The following MYO1D variants were observed in gnomAD, a reference collection of about 807,000 sequenced individuals.
The protein encoded by MYO1D is myosin ID.
MYO1D carries 83 observed loss-of-function variants against 122.0 expected under a neutral mutation model. The ratio of observed to expected loss-of-function variants is 0.68; its 90% CI spans 0.57 to 0.82. The LOEUF is 0.82. Among genes scored for constraint, MYO1D ranks in the 40% least tolerant of loss-of-function variants. The probability of loss-of-function intolerance (pLI) is 0.00; values close to 1 mark genes in which losing one functional copy is unlikely to be tolerated. For synonymous variants in MYO1D, 464 were observed against 446.9 expected (o/e 1.04, Z -0.48); for missense variants, 1,157 against 1,269.5 (o/e 0.91, Z 1.35).
intron 16 of MYO1D, among the ~76,000 whole-genome samples, chr17:32,696,971 T>C (rs901160348): frequency 3.3e-5 from 5 of 152,214 alleles, no homozygotes; most frequent in Non-Finnish European, 7.3e-5. Flanking sequence ...CTGTCCTCCC[T>C]GTTAATGTGT....
intron 21 of MYO1D, among the ~76,000 whole-genome samples, chr17:32,514,472 C>T (rs1401473028): frequency 1.3e-5 from 2 of 152,106 alleles, no homozygotes; most frequent in African/African-American, 4.8e-5. Context: ...CAATCTTTAT[C>T]TGAAAATGTC....
chr17:32,561,195 G>A (rs371292056), intron 21 of MYO1D, among the ~76,000 whole-genome samples: 29 of 152,236 alleles, frequency 1.9e-4, no homozygotes, highest in African/African-American at 5.1e-4. Context: ...ACAGGTGTGA[G>A]CCACAAAGCC....
intron 16 of MYO1D, among the ~76,000 whole-genome samples, chr17:32,704,871 T>A (rs1156662863): frequency 6.6e-6 from 1 of 152,130 alleles, no homozygotes; most frequent in Non-Finnish European, 1.5e-5. Flanking sequence ...TACACAACAG[T>A]GATGTAACAA....
chr17:32,709,326 A>C (rs2089346390), intron 16 of MYO1D, among the ~76,000 whole-genome samples: 1 of 152,134 alleles, frequency 6.6e-6, no homozygotes, highest in African/African-American at 2.4e-5. Flanking sequence ...AGCTTGAATC[A>C]ATCAATCTCT....
At chr17:32,539,545 C>T (rs1358318973) in intron 21 of MYO1D, among the ~76,000 whole-genome samples, 1 of 152,112 alleles carries the variant, frequency 6.6e-6, no homozygotes, top group African/African-American at 2.4e-5. Flanking sequence ...TCTGTCTCTT[C>T]CAGCTTCGGG....
intron 1 of MYO1D, among the ~76,000 whole-genome samples, chr17:32,872,527 G>A (rs1326891450): frequency 4.6e-5 from 7 of 152,004 alleles, no homozygotes; most frequent in Non-Finnish European, 8.8e-5. Context: ...GCCCGCCTCA[G>A]CCTCCCAAAG....
chr17:32,837,571 C>G (rs1404877770), intron 1 of MYO1D, among the ~76,000 whole-genome samples: 2 of 152,018 alleles, frequency 1.3e-5, no homozygotes, highest in Non-Finnish European at 2.9e-5. Context: ...AAATTTAAAG[C>G]TTTATTTGTA....
chr17:32,553,045 T>C (rs937297512), intron 21 of MYO1D, among the ~76,000 whole-genome samples: 1 of 132,806 alleles, frequency 7.5e-6, no homozygotes, highest in Non-Finnish European at 1.5e-5. Context: ...AGGGCCAGTA[T>C]GGGCAATATA....
chr17:32,663,726 G>A (rs1263634328), intron 16 of MYO1D, among the ~76,000 whole-genome samples: 2 of 152,126 alleles, frequency 1.3e-5, no homozygotes, highest in Admixed American at 6.6e-5. Flanking sequence ...TGAAAGAAAG[G>A]GTCCCCGATG....
chr17:32,669,593 G>C (rs1255185464), intron 16 of MYO1D, among the ~76,000 whole-genome samples: 1 of 152,140 alleles, frequency 6.6e-6, no homozygotes, highest in African/African-American at 2.4e-5. Context: ...TGTCTTTTGT[G>C]AGTTAAATTT....
intron 21 of MYO1D, among the ~76,000 whole-genome samples, chr17:32,515,906 A>G (rs1909874725): frequency 6.6e-6 from 1 of 152,218 alleles, no homozygotes; most frequent in Non-Finnish European, 1.5e-5. Flanking sequence ...GTCAGCTAAA[A>G]AAATGTACCC....
intron 1 of MYO1D, among the ~76,000 whole-genome samples, chr17:32,856,787 C>CTCACAT (rs1437985080): frequency 5.9e-5 from 9 of 152,172 alleles, no homozygotes; most frequent in Non-Finnish European, 1.5e-5. Context: ...TGGCCCTTTT[C>CTCACAT]TCACATTTTA....
intron 16 of MYO1D, among the ~76,000 whole-genome samples, chr17:32,674,918 G>C (rs2088783775): frequency 6.6e-6 from 1 of 152,160 alleles, no homozygotes; most frequent in South Asian, 2.1e-4. Flanking sequence ...TCTGGAAAAG[G>C]CTCCCATTTA....
chr17:32,727,047 G>C (rs987511415), intron 14 of MYO1D, among the ~76,000 whole-genome samples: 1 of 152,094 alleles, frequency 6.6e-6, no homozygotes, highest in African/African-American at 2.4e-5. Flanking sequence ...AAATAATAAA[G>C]AGAATAAATA....
At position 32,694,707 on chromosome 17, in the gene MYO1D, C is replaced by CAAAAAA. The variant is rs58606294; in HGVS notation, c.2121+17275_2121+17280dup. On this transcript the variant is annotated intron_variant, in intron 16 of 21. Transcript: ENST00000318217. ...TGGGCGACAGAGCGAGACTCCGTCT[C>CAAAAAA]AAAAAAAAAAAAAAAAAAAAAAAAA... Among the ~76,000 whole-genome samples the CAAAAAA allele has an allele frequency of 1.1e-3, 61 of 55,884 alleles. 2 individuals are homozygous for CAAAAAA. The highest frequency in any genetic ancestry group is 6.1e-3 in the East Asian group (9 of 1,468). 36.7% of individuals were successfully genotyped at this position (55,884 alleles called of 152,430 possible). A position where few individuals can be genotyped will look rare whatever the true frequency, so the allele number is the denominator to read the frequency against.
chr17:32,805,823 TAGAGTTACTCCCTG>T (rs1003406865), intron 1 of MYO1D, among the ~76,000 whole-genome samples: 2 of 152,238 alleles, frequency 1.3e-5, no homozygotes, highest in Non-Finnish European at 2.9e-5. Context: ...TGTTCCTTCC[TAGAGTTACTCCCTG>T]ATAGACATAG....
chr17:32,808,021 T>C (rs1360570010), intron 1 of MYO1D, among the ~76,000 whole-genome samples: 1 of 152,218 alleles, frequency 6.6e-6, no homozygotes, highest in Non-Finnish European at 1.5e-5. Context: ...AACAATGTTA[T>C]CATTAACATC....
At chr17:32,843,937 ACTT>A (rs1409406470) in intron 1 of MYO1D, among the ~76,000 whole-genome samples, 5 of 151,978 alleles carry the variant, frequency 3.3e-5, no homozygotes, top group South Asian at 2.1e-4. Flanking sequence ...TGACTTCTTG[ACTT>A]CTTATTTTAC....
intron 1 of MYO1D, among the ~76,000 whole-genome samples, chr17:32,850,834 A>G (rs932396156): frequency 2.0e-5 from 3 of 152,180 alleles, no homozygotes; most frequent in South Asian, 4.1e-4. Flanking sequence ...CCAACTTACC[A>G]TGGGAGTCAA....
Sources: gnomAD v4.1 joint callset for allele counts (sites outside exome capture counted in the v4.1 genomes callset) on GRCh38, gnomAD v4.1.1 for gene constraint, MANE v1.5 for transcripts, NCBI Gene and HGNC (gene_info 2026-07-23, HGNC 2026-07-21) for gene names.